COL9A1: variants seen among roughly 807,000 people sequenced by gnomAD.
COL9A1 encodes the protein collagen type IX alpha 1 chain.
COL9A1 carries 104 observed loss-of-function variants against 142.6 expected under a neutral mutation model. The observed-to-expected ratio is 0.73, with a 90% CI of 0.62 to 0.86. The LOEUF (loss-of-function observed/expected upper bound fraction) is 0.86, where lower values mean the gene tolerates loss of function less well. COL9A1 is among the 40% of genes least tolerant of loss of function. COL9A1 has a pLI of 0.00. For synonymous variants in COL9A1, 466 were observed against 396.0 expected, an observed-to-expected ratio of 1.18 and a Z score of -2.10; for missense variants, 1,210 against 1,176.6, an observed-to-expected ratio of 1.03 and a Z score of -0.42.
chr6:70,302,836 C>CA, intron 1 of COL9A1, 75 bp downstream of exon 1: 1 of 1,534,550 alleles, frequency 6.5e-7, no homozygotes. Flanking sequence ...ACCACTGCTG[C>CA]AAAAATACAG....
intron 28 of COL9A1, among the ~76,000 whole-genome samples, chr6:70,248,234 G>A (rs1583253058): frequency 6.6e-6 from 1 of 152,142 alleles, no homozygotes; most frequent in Non-Finnish European, 1.5e-5. Context: ...GAAAACCAAG[G>A]GGAGGGCCAT....
intron 19 of COL9A1, 130 bp downstream of exon 19, chr6:70,263,114 G>T: frequency 1.5e-6 from 1 of 671,910 alleles, no homozygotes; most frequent in Non-Finnish European, 2.5e-6. Context: ...TGCTGGCGTG[G>T]TGGAAAATAG....
At chr6:70,297,880 A>G (rs890488482) in intron 4 of COL9A1, among the ~76,000 whole-genome samples, 4 of 133,758 alleles carry the variant, frequency 3.0e-5, no homozygotes, top group South Asian at 2.4e-4. Flanking sequence ...TGTGTCTCTT[A>G]AGTCTTTCAA....
At chr6:70,280,731 C>T (rs1773096734) in intron 10 of COL9A1, 81 bp downstream of exon 10, 4 of 1,451,752 alleles carry the variant, frequency 2.8e-6, no homozygotes, top group Non-Finnish European at 3.8e-6. Flanking sequence ...CTCTCTCTCC[C>T]TCCCCCCCCA....
chr6:70,280,947 G>T, intron 9 of COL9A1, 57 bp downstream of exon 9: 3 of 1,612,434 alleles, frequency 1.9e-6, no homozygotes, highest in Middle Eastern at 1.7e-4. Context: ...GAAACAGGGG[G>T]CTGCAAAACA....
In COL9A1 at chr6:70,281,033, G is replaced by T. The variant is rs121912931; in HGVS notation, c.883C>A (p.Arg295=). 1 of 1,612,338 alleles carries T rather than the reference G, an allele frequency of 6.2e-7. No homozygotes were observed. The highest frequency in any genetic ancestry group is 1.3e-5 in the African/African-American group (1 of 74,860). Residue 295 remains arginine, a synonymous_variant, in exon 9 of 38, where the codon CGA becomes AGA. Coordinates refer to ENST00000357250, the MANE Select transcript of COL9A1 (RefSeq NM_001851.6). ...GGGCCCGGGGGGCCCTTAGGACCTC[G>T]GTCACCCTGGAGGGGTAGGAGAAAA... ...VPGIDGIDGD[R]GPKGPPGPPG...
chr6:70,218,692 T>C (rs1249011081), intron 37 of COL9A1, among the ~76,000 whole-genome samples: 1 of 152,210 alleles, frequency 6.6e-6, no homozygotes, highest in Admixed American at 6.5e-5. Flanking sequence ...CAGTTGTCTT[T>C]TTATATGTCT....
Position 70,270,340 on chromosome 6 carries a change from C to T in COL9A1, c.1171G>A (p.Gly391Ser), listed in dbSNP as rs746313253. 3 of 1,613,694 alleles carry T rather than the reference C, an allele frequency of 1.9e-6. No homozygotes were observed. The highest frequency in any genetic ancestry group is 2.5e-6 in the Non-Finnish European group (3 of 1,179,882). The stretch of plus-strand genomic sequence containing the variant: ...CTGGGTCCTGGGGGGCCAGGGGGGC[C>T]AGGTGGTCCTCTTCTCCCAGGGTCA... ...VGDPGRRGPP[G>S]PPGPPGPRGT... is the part of the protein sequence containing the mutation. The change falls in exon 15 of 38, where the codon GGC (glycine) becomes AGC (serine). Residue 391 changes from glycine to serine, a missense_variant. Physicochemically the swap from Gly to Ser is moderately conservative, Grantham distance 56 (BLOSUM62 0). Coordinates refer to ENST00000357250, the MANE Select transcript of COL9A1 (RefSeq NM_001851.6).
chr6:70,290,816 A>T lies in COL9A1; in HGVS notation c.696+3351T>A, dbSNP rs1461891752. 2.0e-5 allele frequency among the ~76,000 whole-genome samples: 3 copies of T among 152,196 alleles called. No individual in the cohort carries two copies. The East Asian group carries it at 5.8e-4, about 29-fold the overall frequency. On this transcript the variant is annotated intron_variant, in intron 5 of 37. Transcript: ENST00000357250. ...AGTATTCAATTAATGTAGAGTGTCAAAGATTAGAATGAATGCAATTGCATG... is the reference window on the plus strand; with the variant it reads ...AGTATTCAATTAATGTAGAGTGTCATAGATTAGAATGAATGCAATTGCATG...
chr6:70,243,399 G>T (rs10945206), intron 28 of COL9A1, among the ~76,000 whole-genome samples: 19,816 of 152,144 alleles, frequency 0.13, 1,577 homozygotes, highest in Non-Finnish European at 0.18. Flanking sequence ...GAAACTCTAA[G>T]CTTTCAAATT....
intron 28 of COL9A1, among the ~76,000 whole-genome samples, chr6:70,251,380 A>C (rs1554237454): frequency 6.6e-6 from 1 of 151,984 alleles, no homozygotes; most frequent in Non-Finnish European, 1.5e-5. Context: ...CCCCATCTCT[A>C]CAAAAAAAAA....
intron 37 of COL9A1, among the ~76,000 whole-genome samples, chr6:70,222,114 C>T (rs1768915870): frequency 6.6e-6 from 1 of 152,098 alleles, no homozygotes; most frequent in Non-Finnish European, 1.5e-5. Flanking sequence ...TTGTTATTAC[C>T]TGACAGACTT....
At chr6:70,277,343 CAA>C (rs200889718) in intron 10 of COL9A1, among the ~76,000 whole-genome samples, 3 of 136,066 alleles carry the variant, frequency 2.2e-5, no homozygotes, top group African/African-American at 5.5e-5. Flanking sequence ...GTCCATAAGC[CAA>C]AAAAAAAAAA....
chr6:70,285,970 C>T lies in COL9A1; in HGVS notation c.697-2150G>A, dbSNP rs149922473. Among the ~76,000 whole-genome samples the T allele has an allele frequency of 3.5e-3, 531 of 152,250 alleles. 3 individuals carry two copies. The highest frequency in any genetic ancestry group is 0.012 in the African/African-American group (508 of 41,554). On this transcript the variant is annotated intron_variant, in intron 5 of 37. Transcript: ENST00000357250. ...GTAGCACAATCTTGGCTCACTGCAG[C>T]CTCCACCTCCTGGGTTCAGGCGATT...
chr6:70,233,392 A>C (rs1769681445), intron 35 of COL9A1, among the ~76,000 whole-genome samples: 1 of 152,198 alleles, frequency 6.6e-6, no homozygotes, highest in Admixed American at 6.5e-5. Context: ...GAATGGTCAG[A>C]GTTAGTCTTA....
chr6:70,221,896 C>CG (rs1768901284), intron 37 of COL9A1, among the ~76,000 whole-genome samples: 2 of 152,040 alleles, frequency 1.3e-5, no homozygotes, highest in South Asian at 4.2e-4. Flanking sequence ...AAACTGAAGG[C>CG]GGGGGAGACT....
chr6:70,270,489 A>C, intron 14 of COL9A1, 122 bp from the exon 15 acceptor site: 1 of 721,892 alleles, frequency 1.4e-6, no homozygotes. Context: ...CCATGCATAG[A>C]CCTGCCACCA....
chr6:70,265,472 A>G (rs1771950889), intron 18 of COL9A1, among the ~76,000 whole-genome samples: 1 of 150,026 alleles, frequency 6.7e-6, no homozygotes, highest in Non-Finnish European at 1.5e-5. Context: ...TGGCTATGAC[A>G]TATTTAATTT....
At position 70,283,809 on chromosome 6, in the gene COL9A1, T is replaced by C. The variant is rs1315519606; in HGVS notation, c.708A>G (p.Gln236=). 2 of 1,607,240 alleles carry C rather than the reference T, an allele frequency of 1.2e-6. No individual in the cohort carries two copies. The highest frequency in any genetic ancestry group is 1.1e-5 in the South Asian group (1 of 89,320). The change falls in exon 6 of 38, where the codon CAA becomes CAG. Residue 236 remains glutamine, a synonymous_variant. Transcript: ENST00000357250. ...NPQVSVPFEL[Q]WMLIHCDPLR... Reference sequence around the variant, plus strand: ...GGGGGTCACAATGGATCAGCATCCATTGAAGTTCAAACTGGAGAAAGGTAG... The same window carrying C: ...GGGGGTCACAATGGATCAGCATCCACTGAAGTTCAAACTGGAGAAAGGTAG...
Sources: gnomAD v4.1 joint callset for allele counts (sites outside exome capture counted in the v4.1 genomes callset) on GRCh38, gnomAD v4.1.1 for gene constraint, MANE v1.5 for transcripts, NCBI Gene and HGNC (gene_info 2026-07-23, HGNC 2026-07-21) for gene names.